Variants in SERPINE2 observed in about 807,000 individuals in gnomAD.
The protein encoded by SERPINE2 is serpin family E member 2.
A neutral mutation model predicts 36.3 loss-of-function variants in SERPINE2; 14 were observed. The ratio of observed to expected loss-of-function variants is 0.39; its 90% CI spans 0.25 to 0.60. SERPINE2 has a LOEUF of 0.60. Among genes scored for constraint, SERPINE2 ranks in the 20% least tolerant of loss-of-function variants. The pLI, the probability that SERPINE2 is intolerant of heterozygous loss-of-function variation, is 0.57. For missense variants in SERPINE2, 418 were observed against 499.6 expected, an observed-to-expected ratio of 0.84 and a Z score of 1.56; for synonymous variants, 192 against 191.8, an observed-to-expected ratio of 1.00 and a Z score of -0.01.
At chr2:223,985,142 T>C in intron 4 of SERPINE2, 192 bp from the exon 5 acceptor site, 1 of 599,600 alleles carries the variant, frequency 1.7e-6, no homozygotes, top group Non-Finnish European at 3.0e-6. Flanking sequence ...TTCTCCTTTC[T>C]TCAGTCTAGA....
At position 223,980,509 on chromosome 2, in the gene SERPINE2, G is replaced by C. The variant is rs1690191643; in HGVS notation, c.986-112C>G. ...CATGGCAAATTCCAATTTTTAAAGT[G>C]TCAGAAGACATGACCTCTGACAGTC... On this transcript the variant is annotated intron_variant, in intron 6 of 8. Transcript: ENST00000409304. 3 of 854,044 alleles carry C rather than the reference G, an allele frequency of 3.5e-6. No individual in the cohort carries two copies. In the South Asian group the frequency reaches 4.4e-5, roughly 13 times the overall value. 52.9% of individuals were successfully genotyped at this position (854,044 alleles called of 1,614,324 possible). A position where few individuals can be genotyped will look rare whatever the true frequency, so the allele number is the denominator to read the frequency against.
intron 6 of SERPINE2, chr2:223,981,766 T>C (rs1690234882): frequency 6.6e-6 from 1 of 152,194 alleles, no homozygotes; most frequent in Non-Finnish European, 1.5e-5. Flanking sequence ...AAGGTACATA[T>C]ACTGCTGGCA....
intron 1 of SERPINE2, among the ~76,000 whole-genome samples, chr2:224,027,617 T>TA (rs907524801): frequency 2.0e-5 from 3 of 152,108 alleles, no homozygotes; most frequent in Non-Finnish European, 2.9e-5. Flanking sequence ...ACCATGATAA[T>TA]AAAAAAAACT....
At chr2:223,977,293 G>A (rs1330852981) in intron 8 of SERPINE2, among the ~76,000 whole-genome samples, 1 of 152,194 alleles carries the variant, frequency 6.6e-6, no homozygotes, top group Non-Finnish European at 1.5e-5. Flanking sequence ...GGGATGCTGA[G>A]CCTCTCTGTT....
intron 6 of SERPINE2, chr2:223,980,662 G>T: frequency 3.0e-6 from 1 of 329,556 alleles, no homozygotes. Flanking sequence ...ATTCAATTCT[G>T]ATCACTAGAA....
chr2:224,028,483 G>A (rs1316050349), intron 1 of SERPINE2, among the ~76,000 whole-genome samples: 1 of 152,168 alleles, frequency 6.6e-6, no homozygotes, highest in Admixed American at 6.5e-5. Context: ...GTGAGGCCGT[G>A]CATCACTGCT....
intron 4 of SERPINE2, among the ~76,000 whole-genome samples, chr2:223,988,311 G>A (rs1413870376): frequency 6.6e-6 from 1 of 152,154 alleles, no homozygotes; most frequent in African/African-American, 2.4e-5. Flanking sequence ...TGGGACCACA[G>A]GTGAGCACCA....
intron 3 of SERPINE2, among the ~76,000 whole-genome samples, chr2:223,993,824 C>T (rs1202440498): frequency 1.3e-5 from 2 of 152,118 alleles, no homozygotes; most frequent in African/African-American, 2.4e-5. Context: ...GGGGCACTAA[C>T]GCCACCTTAA....
At chr2:224,015,321 C>T (rs1574841266) in intron 1 of SERPINE2, among the ~76,000 whole-genome samples, 1 of 152,126 alleles carries the variant, frequency 6.6e-6, no homozygotes. Flanking sequence ...CAGAGGCACA[C>T]CTGGGCCAGG....
At chr2:224,035,979 G>A (rs7579646) in intron 1 of SERPINE2, among the ~76,000 whole-genome samples, 28,912 of 122,672 alleles carry the variant, frequency 0.24, 2,838 homozygotes, top group Middle Eastern at 0.27. Context: ...TCCATGAACG[G>A]TGGAACCACT....
At chr2:224,038,704 G>A in intron 1 of SERPINE2, 1 of 610,646 alleles carries the variant, frequency 1.6e-6, no homozygotes, top group Non-Finnish European at 2.9e-6. Context: ...GGTAGGGGTT[G>A]CCGGCGAGCA....
chr2:223,976,094 C>T (rs1368478630), intron 8 of SERPINE2, among the ~76,000 whole-genome samples, 190 bp from the exon 9 acceptor site: 5 of 152,180 alleles, frequency 3.3e-5, no homozygotes, highest in Non-Finnish European at 7.4e-5. Context: ...CCACTAGTCA[C>T]ATGTGGCCAG....
chr2:223,985,180 C>T, intron 4 of SERPINE2: 1 of 547,134 alleles, frequency 1.8e-6, no homozygotes. Flanking sequence ...TCACTGAAAT[C>T]ACTTTAATTC....
rs1359415659 is a variant in SERPINE2, at chr2:224,001,140, T to G, written c.259+502A>C. ...ATTTCACTCATTTTCCATACACTCC[T>G]GTTGTGGGCTTGGGGAGGGGGGTCT... On this transcript the variant is annotated intron_variant, in intron 2 of 8. Transcript: ENST00000409304. Among the ~76,000 whole-genome samples the G allele has an allele frequency of 7.2e-5, 11 of 152,172 alleles. No individual in the cohort carries two copies. In the East Asian group the frequency reaches 2.1e-3, roughly 29 times the overall value.
At chr2:224,025,540 TCA>T (rs1287053333) in intron 1 of SERPINE2, among the ~76,000 whole-genome samples, 1 of 152,202 alleles carries the variant, frequency 6.6e-6, no homozygotes, top group East Asian at 1.9e-4. Flanking sequence ...ACTTTATGAC[TCA>T]CATGAAATCA....
chr2:224,031,232 T>G, intron 1 of SERPINE2: 1 of 976,666 alleles, frequency 1.0e-6, no homozygotes, highest in South Asian at 4.8e-5. Context: ...ATTCACAGGG[T>G]GTGCCACTTT....
Position 223,983,693 on chromosome 2 carries a change from TGCACACACACACAC to T in SERPINE2, c.885-926_885-913del, listed in dbSNP as rs753432850. Among the ~76,000 whole-genome samples, 504 of 146,702 alleles carry T rather than the reference TGCACACACACACAC, an allele frequency of 3.4e-3. 8 individuals carry two copies. Among genetic ancestry groups the T allele is most frequent in the African/African-American group, 0.013 (495 of 38,396 alleles). ...GGCCTTGGGGATATATGGAGATATA[TGCACACACACACAC>T]ACACACACACGTATATATATGTGTG... On this transcript the variant is annotated intron_variant, in intron 5 of 8. Transcript: ENST00000409304.
At chr2:223,980,156 G>A in intron 7 of SERPINE2, 155 bp downstream of exon 7, 1 of 579,484 alleles carries the variant, frequency 1.7e-6, no homozygotes, top group Non-Finnish European at 3.1e-6. Flanking sequence ...CAGGTCTTCA[G>A]TCTGTCTGTA....
chr2:224,037,060 A>G (rs1000147637), intron 1 of SERPINE2, among the ~76,000 whole-genome samples: 1 of 152,106 alleles, frequency 6.6e-6, no homozygotes, highest in Non-Finnish European at 1.5e-5. Flanking sequence ...ACAACATATT[A>G]TGTTTGCTTT....
Sources: gnomAD v4.1 joint callset for allele counts (sites outside exome capture counted in the v4.1 genomes callset) on GRCh38, gnomAD v4.1.1 for gene constraint, MANE v1.5 for transcripts, NCBI Gene and HGNC (gene_info 2026-07-23, HGNC 2026-07-21) for gene names.